ERGIC1: variants seen among roughly 807,000 people sequenced by gnomAD.
The protein encoded by ERGIC1 is endoplasmic reticulum-golgi intermediate compartment 1.
A neutral mutation model predicts 38.3 loss-of-function variants in ERGIC1; 19 were observed. The ratio of observed to expected loss-of-function variants is 0.50; its 90% CI spans 0.35 to 0.73. The LOEUF is 0.73. Ranked by LOEUF, ERGIC1 falls within the 30% of genes least tolerant of loss-of-function variation. The probability of loss-of-function intolerance (pLI) is 0.01; values close to 1 mark genes in which losing one functional copy is unlikely to be tolerated. For missense variants in ERGIC1, 294 were observed against 389.2 expected (o/e 0.76, Z 2.06); for synonymous variants, 124 against 157.6 (o/e 0.79, Z 1.60).
At chr5:172,849,129 C>G (rs1396966838) in intron 1 of ERGIC1, among the ~76,000 whole-genome samples, 1 of 152,182 alleles carries the variant, frequency 6.6e-6, no homozygotes, top group Non-Finnish European at 1.5e-5. Context: ...AGTTGAAGAC[C>G]TGGCTCAGGG....
At chr5:172,848,097 T>C (rs1581508286) in intron 1 of ERGIC1, among the ~76,000 whole-genome samples, 1 of 152,244 alleles carries the variant, frequency 6.6e-6, no homozygotes, top group African/African-American at 2.4e-5. Context: ...ATTCTGAGCA[T>C]ACTCAAAAGA....
intron 1 of ERGIC1, among the ~76,000 whole-genome samples, chr5:172,885,484 T>G (rs1484396504): frequency 1.3e-5 from 2 of 152,142 alleles, no homozygotes; most frequent in Non-Finnish European, 2.9e-5. Flanking sequence ...TGTCGGTCCC[T>G]GATGGTGACC....
intron 5 of ERGIC1, 62 bp from the exon 6 acceptor site, chr5:172,923,943 C>A: frequency 7.0e-7 from 1 of 1,424,712 alleles, no homozygotes; most frequent in Non-Finnish European, 9.8e-7. Flanking sequence ...CAGGGTGAGG[C>A]CCCAATGTTC....
intron 1 of ERGIC1, among the ~76,000 whole-genome samples, chr5:172,869,761 G>A (rs1292781111): frequency 6.6e-6 from 1 of 152,176 alleles, no homozygotes; most frequent in African/African-American, 2.4e-5. Context: ...CATGAGAAGA[G>A]CCCCAGATGG....
At chr5:172,878,740 C>T (rs1762208965) in intron 1 of ERGIC1, among the ~76,000 whole-genome samples, 1 of 152,090 alleles carries the variant, frequency 6.6e-6, no homozygotes, top group Admixed American at 6.5e-5. Context: ...TTCTAGGGCT[C>T]CCTCCCGCCT....
intron 9 of ERGIC1, among the ~76,000 whole-genome samples, chr5:172,947,793 G>A (rs1764154911): frequency 6.6e-6 from 1 of 152,078 alleles, no homozygotes; most frequent in Admixed American, 6.6e-5. Flanking sequence ...CCCCATGAAA[G>A]GAGAGTTGAG....
At position 172,837,915 on chromosome 5, in the gene ERGIC1, A is replaced by G. The variant is rs1454978136; in HGVS notation, c.20+3482A>G. 1.3e-5 allele frequency among the ~76,000 whole-genome samples: 2 copies of G among 152,138 alleles called. No individual in the cohort carries two copies. Among genetic ancestry groups the G allele is most frequent in the African/African-American group, 4.8e-5 (2 of 41,438 alleles). ...GCACACCAGCCCAGGGTGGGTGAGG[A>G]GGGAAGATAACAGCATCCGGAAGCC... On this transcript the variant is annotated intron_variant, in intron 1 of 9. Coordinates refer to ENST00000393784, the MANE Select transcript of ERGIC1 (RefSeq NM_001031711.3). This position sits in a 1 kb window ranked among gnomAD's most constrained non-coding sequence, Gnocchi z 4.3.
intron 1 of ERGIC1, among the ~76,000 whole-genome samples, chr5:172,866,251 G>T: frequency 6.6e-6 from 1 of 152,198 alleles, no homozygotes. Flanking sequence ...AGAGCAGAGT[G>T]GGGAGAGAAG....
chr5:172,921,152 C>T (rs369364974), intron 5 of ERGIC1, among the ~76,000 whole-genome samples: 9 of 152,240 alleles, frequency 5.9e-5, no homozygotes, highest in African/African-American at 1.7e-4. Context: ...TCTGGCTTTA[C>T]GCCCATTTCG....
chr5:172,949,659 G>GT (rs1554114796), intron 9 of ERGIC1, among the ~76,000 whole-genome samples: 4 of 151,950 alleles, frequency 2.6e-5, no homozygotes, highest in East Asian at 3.9e-4. Flanking sequence ...GCGTGGCGGG[G>GT]GGGGGTATGA....
In ERGIC1 at chr5:172,846,361, C is replaced by G. The variant is rs1175327223; in HGVS notation, c.20+11928C>G. Reference sequence around the variant, plus strand: ...CAGCACTGGGCACTTTGAGTCACTTCTGAGCCCAGCAGCGTAAGATGGGGC... The same window carrying G: ...CAGCACTGGGCACTTTGAGTCACTTGTGAGCCCAGCAGCGTAAGATGGGGC... On this transcript the variant is annotated intron_variant, in intron 1 of 9. Transcript: ENST00000393784. This position sits in a 1 kb window ranked among gnomAD's most constrained non-coding sequence, Gnocchi z 4.0. 6.6e-6 allele frequency among the ~76,000 whole-genome samples: 1 copy of G among 152,238 alleles called. No individual in the cohort carries two copies. Among genetic ancestry groups the G allele is most frequent in the African/African-American group, 2.4e-5 (1 of 41,450 alleles).
At chr5:172,838,100 G>A (rs964936576) in intron 1 of ERGIC1, among the ~76,000 whole-genome samples, 7 of 152,180 alleles carry the variant, frequency 4.6e-5, no homozygotes, top group East Asian at 1.9e-4. Context: ...TTCCCCTCTC[G>A]GAGCCTCCAT....
Position 172,863,779 on chromosome 5 carries a change from C to T in ERGIC1, c.21-24920C>T, listed in dbSNP as rs113036320. ...ATTCCGAGAGCAGGGCTTTGTCACA[C>T]GGAGCTGGTACCTACTGTGTCACAG... On this transcript the variant is annotated intron_variant, in intron 1 of 9. Transcript: ENST00000393784. Among the ~76,000 whole-genome samples the T allele has an allele frequency of 2.7e-3, 408 of 152,316 alleles. 1 individual carries two copies. Among genetic ancestry groups the T allele is most frequent in the African/African-American group, 9.1e-3 (380 of 41,570 alleles).
At chr5:172,899,207 A>C (rs905620575) in intron 3 of ERGIC1, among the ~76,000 whole-genome samples, 2 of 152,086 alleles carry the variant, frequency 1.3e-5, no homozygotes, top group Non-Finnish European at 2.9e-5. Flanking sequence ...AAGAAGGCCA[A>C]TCAGCCAGGT....
chr5:172,937,017 A>C (rs1763899143), intron 9 of ERGIC1: 1 of 152,184 alleles, frequency 6.6e-6, no homozygotes, highest in African/African-American at 2.4e-5. Context: ...AAAAATCCCC[A>C]GAAAACAGAC....
intron 3 of ERGIC1, among the ~76,000 whole-genome samples, chr5:172,906,774 A>G (rs1763037667): frequency 6.6e-6 from 1 of 152,104 alleles, no homozygotes; most frequent in Non-Finnish European, 1.5e-5. Context: ...CAGCCCAGCC[A>G]CCTGAAGCAC....
intron 2 of ERGIC1, among the ~76,000 whole-genome samples, chr5:172,891,502 G>C (rs141939298): frequency 5.0e-4 from 76 of 151,568 alleles, no homozygotes; most frequent in African/African-American, 1.7e-3. Context: ...ACAGTGGTGG[G>C]ATCTCGGTTC....
At chr5:172,876,390 A>G (rs900927120) in intron 1 of ERGIC1, among the ~76,000 whole-genome samples, 1 of 152,348 alleles carries the variant, frequency 6.6e-6, no homozygotes, top group Middle Eastern at 3.4e-3. Flanking sequence ...TATACCAAGA[A>G]AAAAAGTCAG....
At chr5:172,887,681 A>C (rs1050904657) in intron 1 of ERGIC1, among the ~76,000 whole-genome samples, 6 of 152,162 alleles carry the variant, frequency 3.9e-5, no homozygotes, top group South Asian at 4.1e-4. Context: ...ACTACACCAC[A>C]CGATTTCCCT....
Sources: gnomAD v4.1 joint callset for allele counts (sites outside exome capture counted in the v4.1 genomes callset) on GRCh38, gnomAD v4.1.1 for gene constraint, Gnocchi (gnomAD v3.1) non-coding constraint, MANE v1.5 for transcripts, NCBI Gene and HGNC (gene_info 2026-07-23, HGNC 2026-07-21) for gene names.